Variants in WIPF3 observed in about 807,000 individuals in gnomAD.
WIPF3 encodes the protein WAS/WASL interacting protein family member 3, also known as WAS/WASL-interacting protein family member 3.
WIPF3 carries 33 observed loss-of-function variants against 38.9 expected under a neutral mutation model. That is an observed-to-expected ratio of 0.85 (90% CI 0.64 to 1.14). The LOEUF (loss-of-function observed/expected upper bound fraction) is 1.14, where lower values mean the gene tolerates loss of function less well. Among genes scored for constraint, WIPF3 ranks in the 50% most tolerant of loss-of-function variants. The pLI is 0.00. For synonymous variants in WIPF3, 324 were observed against 269.3 expected (o/e 1.20, Z -1.99); for missense variants, 711 against 652.5 (o/e 1.09, Z -0.98).
chr7:29,849,145 C>G (rs898874422), intron 2 of WIPF3, among the ~76,000 whole-genome samples: 2 of 152,046 alleles, frequency 1.3e-5, no homozygotes, highest in East Asian at 1.9e-4. Context: ...CAATCTGGCT[C>G]CTGTTTTTCT....
intron 2 of WIPF3, among the ~76,000 whole-genome samples, chr7:29,845,868 T>C (rs1165548836): frequency 6.6e-6 from 1 of 152,238 alleles, no homozygotes; most frequent in Non-Finnish European, 1.5e-5. Flanking sequence ...GTGCAGATAC[T>C]GTAATTCACC....
chr7:29,844,078 G>A lies in WIPF3; in HGVS notation c.90+9264G>A, dbSNP rs961858948. 2.0e-5 allele frequency among the ~76,000 whole-genome samples: 3 copies of A among 152,184 alleles called. No homozygotes were observed. The highest frequency in any genetic ancestry group is 4.4e-5 in the Non-Finnish European group (3 of 68,032). The stretch of plus-strand genomic sequence containing the variant: ...ATGAAGTGAGAAAAACAGGATACAT[G>A]TAGACAGTGTAGTCCCAATTACGTA... On this transcript the variant is annotated intron_variant, in intron 2 of 8. Transcript: ENST00000242140. The surrounding 1 kb of genome is among the most constrained non-coding windows in gnomAD (Gnocchi z 4.8).
intron 1 of WIPF3, among the ~76,000 whole-genome samples, chr7:29,811,869 C>T (rs544519742): frequency 1.8e-4 from 27 of 152,152 alleles, no homozygotes; most frequent in Non-Finnish European, 3.8e-4. Context: ...TTACTGAGTG[C>T]CTGGAAGAGC....
intron 2 of WIPF3, among the ~76,000 whole-genome samples, chr7:29,851,574 G>A (rs1785097605): frequency 6.6e-6 from 1 of 152,160 alleles, no homozygotes; most frequent in African/African-American, 2.4e-5. Context: ...ACAGTGCCAG[G>A]CTTGGCCTGT....
At chr7:29,906,801 G>C (rs1786406273) in intron 8 of WIPF3, among the ~76,000 whole-genome samples, 1 of 152,092 alleles carries the variant, frequency 6.6e-6, no homozygotes. Context: ...CACATACAAG[G>C]GATCTTCAGT....
chr7:29,841,713 G>C lies in WIPF3; in HGVS notation c.90+6899G>C, dbSNP rs778393705. Among the ~76,000 whole-genome samples, 85 of 152,188 alleles carry C rather than the reference G, an allele frequency of 5.6e-4. 1 individual carries two copies. Among genetic ancestry groups the C allele is most frequent in the Non-Finnish European group, 2.1e-4 (14 of 68,018 alleles). On this transcript the variant is annotated intron_variant, in intron 2 of 8. Transcript: ENST00000242140. Reference sequence around the variant, plus strand: ...TGTAATCCCAGCTACTTAGGAGGCTGAGGCAGGAGAATGGCTTGAACCCAA... The same window carrying C: ...TGTAATCCCAGCTACTTAGGAGGCTCAGGCAGGAGAATGGCTTGAACCCAA...
Position 29,861,495 on chromosome 7 carries a change from T to C in WIPF3, c.91-14335T>C, listed in dbSNP as rs570506976. ...CTTAGTCCTGCCTTCCTGCCTCCTT[T>C]CCTTTGTTTTCTCTTCGTTGTGACC... On this transcript the variant is annotated intron_variant, in intron 2 of 8. Coordinates refer to ENST00000242140, the MANE Select transcript of WIPF3 (RefSeq NM_001080529.3). Among the ~76,000 whole-genome samples, 4 of 152,344 alleles carry C rather than the reference T, an allele frequency of 2.6e-5. No homozygotes were observed. The South Asian group carries it at 8.3e-4, about 32-fold the overall frequency.
chr7:29,888,002 A>C, intron 5 of WIPF3, 66 bp from the exon 6 acceptor site: 3 of 1,593,764 alleles, frequency 1.9e-6, no homozygotes, highest in Non-Finnish European at 2.6e-6. Context: ...CTAATATCTC[A>C]CATAAGGTTA....
chr7:29,814,110 G>A (rs1784422128), intron 1 of WIPF3, among the ~76,000 whole-genome samples: 2 of 152,002 alleles, frequency 1.3e-5, no homozygotes, highest in South Asian at 4.1e-4. Flanking sequence ...TAGTAGAGAT[G>A]GGGTTTTGCC....
chr7:29,899,523 C>T (rs1786228272), intron 7 of WIPF3, among the ~76,000 whole-genome samples: 1 of 152,216 alleles, frequency 6.6e-6, no homozygotes, highest in African/African-American at 2.4e-5. Context: ...TAAAGTGAGG[C>T]ACACAGACAC....
intron 2 of WIPF3, among the ~76,000 whole-genome samples, chr7:29,869,532 G>A: frequency 6.6e-6 from 1 of 152,154 alleles, no homozygotes; most frequent in South Asian, 2.1e-4. Context: ...CTTTTGTCTA[G>A]TGTCTGATCC....
rs1180530419 is a variant in WIPF3 at position 29,827,958 on chromosome 7, G to T, written c.-57-6710G>T. Among the ~76,000 whole-genome samples, 3 of 152,134 alleles carry T rather than the reference G, an allele frequency of 2.0e-5. No homozygotes were observed. The South Asian group carries it at 6.2e-4, about 32-fold the overall frequency. ...CTACAGGTGTGCACCACCACACTTGGCTAATTTTCTTTGTATTTTTTGTAG... is the reference window on the plus strand; with the variant it reads ...CTACAGGTGTGCACCACCACACTTGTCTAATTTTCTTTGTATTTTTTGTAG... On this transcript the variant is annotated intron_variant, in intron 1 of 8. Transcript: ENST00000242140.
chr7:29,865,779 T>G (rs73686259), intron 2 of WIPF3, among the ~76,000 whole-genome samples: 2 of 152,166 alleles, frequency 1.3e-5, no homozygotes, highest in South Asian at 4.1e-4. Flanking sequence ...CTGTGAGTCA[T>G]TGTTTCTCTA....
Position 29,878,984 on chromosome 7 carries a change from G to C in WIPF3, c.224-25G>C. On this transcript the variant is annotated intron_variant, in intron 3 of 8. Transcript: ENST00000242140. This position sits in a 1 kb window ranked among gnomAD's most constrained non-coding sequence, Gnocchi z 4.0. The stretch of plus-strand genomic sequence containing the variant: ...TGCTCAGCTCTGCTCTCAAGTCCTT[G>C]CCTATTTGTGTCTTCTCTCTAAAGG... 1 of 1,577,712 alleles carries C rather than the reference G, an allele frequency of 6.3e-7. No homozygotes were observed. The highest frequency in any genetic ancestry group is 8.6e-7 in the Non-Finnish European group (1 of 1,156,774).
At chr7:29,893,235 G>A (rs890190393) in intron 7 of WIPF3, among the ~76,000 whole-genome samples, 1 of 152,096 alleles carries the variant, frequency 6.6e-6, no homozygotes, top group Admixed American at 6.6e-5. Context: ...ACACCAAGAA[G>A]GAACTGGAGG....
In WIPF3 at chr7:29,854,144, G is replaced by A. The variant is rs908655995; in HGVS notation, c.90+19330G>A. 6.2e-4 allele frequency among the ~76,000 whole-genome samples: 95 copies of A among 152,318 alleles called. 1 individual carries two copies. The highest frequency in any genetic ancestry group is 2.3e-3 in the African/African-American group (95 of 41,570). ...GAGCTGCTCAGGAAATACGCACTCA[G>A]TGAGGAGAGCACATCCTTCCATAGG... On this transcript the variant is annotated intron_variant, in intron 2 of 8. Coordinates refer to ENST00000242140, the MANE Select transcript of WIPF3 (RefSeq NM_001080529.3).
At chr7:29,841,978 T>C (rs780431671) in intron 2 of WIPF3, among the ~76,000 whole-genome samples, 14 of 152,216 alleles carry the variant, frequency 9.2e-5, no homozygotes, top group Non-Finnish European at 1.9e-4. Context: ...TTACCAAACT[T>C]TTCCTTTCAA....
rs555093025 is a variant in WIPF3 at position 29,859,620 on chromosome 7, T to G, written c.91-16210T>G. On this transcript the variant is annotated intron_variant, in intron 2 of 8. Coordinates refer to ENST00000242140, the MANE Select transcript of WIPF3 (RefSeq NM_001080529.3). Reference sequence around the variant, plus strand: ...AGGAACCTGGAAGCAAATGTGACCCTGAGACACAAGCTCCCCTGAAATTGC... The same window carrying G: ...AGGAACCTGGAAGCAAATGTGACCCGGAGACACAAGCTCCCCTGAAATTGC... Among the ~76,000 whole-genome samples the G allele has an allele frequency of 2.7e-4, 41 of 152,252 alleles. 1 individual carries two copies. In the South Asian group the frequency reaches 8.5e-3, roughly 32 times the overall value.
At chr7:29,889,237 C>G (rs1335093924) in intron 6 of WIPF3, 69 bp from the exon 7 acceptor site, 2 of 1,317,588 alleles carry the variant, frequency 1.5e-6, no homozygotes, top group Non-Finnish European at 2.2e-6. Context: ...TCTCTGTGCT[C>G]CTGGAAATGA....
Sources: gnomAD v4.1 joint callset for allele counts (sites outside exome capture counted in the v4.1 genomes callset) on GRCh38, gnomAD v4.1.1 for gene constraint, Gnocchi (gnomAD v3.1) non-coding constraint, MANE v1.5 for transcripts, NCBI Gene and HGNC (gene_info 2026-07-23, HGNC 2026-07-21) for gene names.